Variants in CHD7 observed in about 807,000 individuals in gnomAD.
The protein encoded by CHD7 is ATP-dependent chromatin remodeler CHD7.
A neutral mutation model predicts 307.3 loss-of-function variants in CHD7; 24 were observed. The ratio of observed to expected loss-of-function variants is 0.08; its 90% CI spans 0.06 to 0.11. The LOEUF (loss-of-function observed/expected upper bound fraction) is 0.11, where lower values mean the gene tolerates loss of function less well. CHD7 is among the 10% of genes least tolerant of loss of function. The pLI, the probability that CHD7 is intolerant of heterozygous loss-of-function variation, is 1.00. For missense variants in CHD7, 3,106 were observed against 3,727.1 expected (o/e 0.83, Z 4.34); for synonymous variants, 1,363 against 1,349.9 (o/e 1.01, Z -0.21).
intron 2 of CHD7, among the ~76,000 whole-genome samples, chr8:60,775,859 G>A (rs1810926431): frequency 6.6e-6 from 1 of 152,196 alleles, no homozygotes; most frequent in South Asian, 2.1e-4. Flanking sequence ...CCGGGTTCAA[G>A]CAATTCTCCT....
intron 34 of CHD7, among the ~76,000 whole-genome samples, chr8:60,859,334 T>C (rs1805857217): frequency 6.6e-6 from 1 of 152,214 alleles, no homozygotes; most frequent in African/African-American, 2.4e-5. Flanking sequence ...TTGTCAGCAC[T>C]CTAACTGTGC....
chr8:60,758,006 TA>T (rs1809979011), intron 2 of CHD7, among the ~76,000 whole-genome samples: 1 of 152,256 alleles, frequency 6.6e-6, no homozygotes, highest in Non-Finnish European at 1.5e-5. Context: ...AGCTTTTGTT[TA>T]TTCTGGTTTT....
chr8:60,865,849 C>G lies in CHD7; in HGVS notation c.8910C>G (p.Leu2970=). ...ESLDKTAESS[L]LEDEIAQGEE... Reference sequence around the variant, plus strand: ...TGGATAAGACTGCAGAGTCCTCCCTCTTAGAAGACGAAATAGCACAGGGTG... The same window carrying G: ...TGGATAAGACTGCAGAGTCCTCCCTGTTAGAAGACGAAATAGCACAGGGTG... Residue 2970 remains leucine (L), a synonymous_variant, in exon 38 of 38, where the codon CTC becomes CTG. Coordinates refer to ENST00000423902, the MANE Select transcript of CHD7 (RefSeq NM_017780.4). The surrounding 1 kb of genome is among the most constrained non-coding windows in gnomAD (Gnocchi z 4.3). The G allele has an allele frequency of 1.2e-6, 2 of 1,613,168 alleles. No homozygotes were observed. The highest frequency in any genetic ancestry group is 1.7e-6 in the Non-Finnish European group (2 of 1,179,540).
At chr8:60,768,119 AACTTCCTTAAT>A (rs1810557488) in intron 2 of CHD7, among the ~76,000 whole-genome samples, 1 of 152,056 alleles carries the variant, frequency 6.6e-6, no homozygotes, top group Non-Finnish European at 1.5e-5. Flanking sequence ...GTATCTGAGA[AACTTCCTTAAT>A]ACTCCCCTCT....
intron 1 of CHD7, among the ~76,000 whole-genome samples, chr8:60,707,631 T>C (rs1469293265): frequency 2.0e-5 from 3 of 152,268 alleles, no homozygotes; most frequent in Non-Finnish European, 4.4e-5. Context: ...AGCACTTGTT[T>C]ACTTTTAATT....
chr8:60,845,038 G>C lies in CHD7; in HGVS notation c.5025G>C (p.Gln1675His), dbSNP rs769769149. ...TGATCACACCCACAGCGGATGGCCA[G>C]ACTCGAGCCTTGGTCAACCATTCCG... ...WDLITPTADG[Q>H]TRALVNHSGL... The change falls in exon 22 of 38, where the codon CAG becomes CAC. Residue 1675 changes from glutamine to histidine, a missense_variant. Gln to His is a conservative substitution (Grantham distance 24, BLOSUM62 0). Coordinates refer to ENST00000423902, the MANE Select transcript of CHD7 (RefSeq NM_017780.4). The C allele has an allele frequency of 2.5e-6, 4 of 1,613,852 alleles. No individual in the cohort carries two copies. Among genetic ancestry groups the C allele is most frequent in the Non-Finnish European group, 3.4e-6 (4 of 1,179,892 alleles).
chr8:60,856,833 A>T lies in CHD7; in HGVS notation c.7553A>T (p.Asn2518Ile). The T allele has an allele frequency of 1.3e-6, 2 of 1,593,150 alleles. No individual in the cohort carries two copies. Among genetic ancestry groups the T allele is most frequent in the Non-Finnish European group, 1.7e-6 (2 of 1,169,628 alleles). Residue 2518 changes from asparagine to isoleucine, a missense_variant, in exon 34 of 38, where the codon AAT (asparagine) becomes ATT (isoleucine). Coordinates refer to ENST00000423902, the MANE Select transcript of CHD7 (RefSeq NM_017780.4). The stretch of plus-strand genomic sequence containing the variant: ...AAGAGGAGGCGGGGAAGGAGGAAAA[A>T]TGTGGAGGGACTTGATCTGCTTTTC... ...PMKRRRGRRK[N>I]VEGLDLLFMS...
chr8:60,865,719 T>A lies in CHD7; in HGVS notation c.8780T>A (p.Leu2927His). The A allele has an allele frequency of 6.2e-7, 1 of 1,609,528 alleles. No individual in the cohort carries two copies. Among genetic ancestry groups the A allele is most frequent in the Non-Finnish European group, 8.5e-7 (1 of 1,176,966 alleles). The part of the protein sequence containing the change: ...TLPGFPALAG[L>H]QNAVGSSEEK... Reference sequence around the variant, plus strand: ...CCTGGGTTCCCAGCATTGGCAGGACTTCAGAATGCCGTGGGCTCCAGCGAA... The same window carrying A: ...CCTGGGTTCCCAGCATTGGCAGGACATCAGAATGCCGTGGGCTCCAGCGAA... The change falls in exon 38 of 38, where the codon CTT becomes CAT. Residue 2927 changes from leucine (L) to histidine (H), a missense_variant. Physicochemically the swap from Leu to His is moderately conservative, Grantham distance 99. This residue lies in a region of CHD7 where 351 missense variants were observed against 366.2 expected (regional missense o/e 0.96). Transcript: ENST00000423902. This position sits in a 1 kb window ranked among gnomAD's most constrained non-coding sequence, Gnocchi z 4.3.
chr8:60,770,271 C>G (rs1162995874), intron 2 of CHD7, among the ~76,000 whole-genome samples: 1 of 152,200 alleles, frequency 6.6e-6, no homozygotes, highest in Non-Finnish European at 1.5e-5. Context: ...CTGAACAGTT[C>G]TAAAACTAAA....
intron 1 of CHD7, among the ~76,000 whole-genome samples, chr8:60,690,119 A>G (rs1806121866): frequency 1.3e-5 from 2 of 152,180 alleles, no homozygotes; most frequent in South Asian, 2.1e-4. Flanking sequence ...ATATTCTCAA[A>G]TAGGTATACA....
intron 1 of CHD7, among the ~76,000 whole-genome samples, chr8:60,736,596 G>A (rs919930976): frequency 9.2e-5 from 14 of 152,102 alleles, no homozygotes; most frequent in African/African-American, 2.9e-4. Context: ...TATACCTCAC[G>A]CTCTTTGGAG....
At chr8:60,824,565 A>G (rs1804183870) in intron 13 of CHD7, 1 of 153,236 alleles carries the variant, frequency 6.5e-6, no homozygotes, top group Non-Finnish European at 1.5e-5. Context: ...CAGTGATGAT[A>G]GTCCAGTTAT....
At chr8:60,770,714 T>C (rs1035499112) in intron 2 of CHD7, among the ~76,000 whole-genome samples, 4 of 152,238 alleles carry the variant, frequency 2.6e-5, no homozygotes, top group African/African-American at 9.6e-5. Context: ...TAGTTAACTA[T>C]CTAACTTGTT....
intron 12 of CHD7, 101 bp downstream of exon 12, chr8:60,822,847 C>A: frequency 1.8e-6 from 2 of 1,106,156 alleles, no homozygotes; most frequent in Non-Finnish European, 2.5e-6. Flanking sequence ...TAAATTTTGC[C>A]AAATTGAGAA....
At chr8:60,845,155 C>T in intron 22 of CHD7, 92 bp downstream of exon 22, 1 of 1,570,472 alleles carries the variant, frequency 6.4e-7, no homozygotes, top group Non-Finnish European at 8.7e-7. Flanking sequence ...TGACATAAAC[C>T]CCATATTTCC....
intron 2 of CHD7, among the ~76,000 whole-genome samples, chr8:60,764,629 T>G (rs576666950): frequency 6.6e-6 from 1 of 152,228 alleles, no homozygotes; most frequent in Non-Finnish European, 1.5e-5. Flanking sequence ...CAGCCATTCA[T>G]TCATTCATTC....
At chr8:60,750,039 G>C (rs1385823576) in intron 2 of CHD7, among the ~76,000 whole-genome samples, 1 of 152,154 alleles carries the variant, frequency 6.6e-6, no homozygotes, top group East Asian at 1.9e-4. Context: ...TACTCCATCT[G>C]TCCTTTCACC....
intron 25 of CHD7, 88 bp from the exon 26 acceptor site, chr8:60,850,405 T>C (rs1586440237): frequency 1.4e-6 from 2 of 1,476,158 alleles, no homozygotes; most frequent in African/African-American, 2.8e-5. Context: ...AAAAACAAAC[T>C]TGTGTTGTGG....
chr8:60,771,030 C>T (rs1422380307), intron 2 of CHD7, among the ~76,000 whole-genome samples: 1 of 152,202 alleles, frequency 6.6e-6, no homozygotes, highest in Non-Finnish European at 1.5e-5. Context: ...CTTTGAATGC[C>T]TTCATTTCCC....
Sources: allele counts gnomAD v4.1 joint callset (sites outside exome capture counted in the v4.1 genomes callset), GRCh38; gene constraint gnomAD v4.1.1; regional missense constraint gnomAD v4.1.1; non-coding constraint Gnocchi (gnomAD v3.1); transcripts MANE v1.5; gene names NCBI Gene and HGNC (gene_info 2026-07-23, HGNC 2026-07-21).